Variants in GNPDA2 observed in about 807,000 individuals in gnomAD.
GNPDA2 encodes glcN6P deaminase 2.
GNPDA2 carries 24 observed loss-of-function variants against 27.0 expected under a neutral mutation model. The ratio of observed to expected loss-of-function variants is 0.89; its 90% confidence interval spans 0.64 to 1.25. GNPDA2 has a LOEUF of 1.25. Among genes scored for constraint, GNPDA2 ranks in the 50% most tolerant of loss-of-function variants. The pLI is 0.00. For missense variants in GNPDA2, 286 were observed against 335.1 expected, an observed-to-expected ratio of 0.85 and a Z score of 1.14; for synonymous variants, 94 against 108.4, an observed-to-expected ratio of 0.87 and a Z score of 0.83.
chr4:44,714,386 A>G, intron 4 of GNPDA2: 1 of 985,384 alleles, frequency 1.0e-6, no homozygotes, highest in Non-Finnish European at 1.2e-6. Context: ...CCATCAGAGG[A>G]GGAATTAGAA....
intron 6 of GNPDA2, chr4:44,707,353 T>G (rs1716669572): frequency 9.1e-6 from 2 of 219,216 alleles, no homozygotes; most frequent in Admixed American, 5.7e-5. Context: ...TATCCACTGA[T>G]TAGGTTCTAA....
Position 44,707,928 on chromosome 4 carries a change from T to G in GNPDA2, c.595-2A>C, listed in dbSNP as rs1577582695. The G allele has an allele frequency of 6.4e-7, 1 of 1,557,412 alleles. No individual in the cohort carries two copies. Among genetic ancestry groups the G allele is most frequent in the African/African-American group, 1.4e-5 (1 of 73,318 alleles). On this transcript the variant is annotated splice_acceptor_variant, in intron 5 of 6. Transcript: ENST00000295448. LOFTEE classifies it high-confidence loss of function. ...TGCCCCTGTTATAAGGATCATTACC[T>G]GAAAAATTATGAACATCAATTGTTA...
At position 44,726,549 on chromosome 4, in the gene GNPDA2, T is replaced by G. The variant is rs1313084104; in HGVS notation, c.-111A>C. The G allele has an allele frequency of 1.3e-5, 2 of 152,128 alleles. No homozygotes were observed. Among genetic ancestry groups the G allele is most frequent in the African/African-American group, 4.8e-5 (2 of 41,406 alleles). The allele number at this position is 152,128 out of a possible 1,614,324, so 9.4% of individuals were successfully genotyped here. On this transcript the variant is annotated 5_prime_UTR_variant, in exon 1 of 7. Coordinates refer to ENST00000295448, the MANE Select transcript of GNPDA2 (RefSeq NM_138335.3). Reference sequence around the variant, plus strand: ...CCAACCACCCGAGAGCGACCCCAGCTGACCAGTGGAGCGCGAATCCCACGG... The same window carrying G: ...CCAACCACCCGAGAGCGACCCCAGCGGACCAGTGGAGCGCGAATCCCACGG...
intron 4 of GNPDA2, among the ~76,000 whole-genome samples, chr4:44,712,797 G>A (rs1717056134): frequency 1.3e-5 from 2 of 152,132 alleles, no homozygotes; most frequent in South Asian, 4.1e-4. Context: ...GCTGGGTCAA[G>A]GTATTTGCTT....
At position 44,703,031 on chromosome 4, in the gene GNPDA2, T is replaced by G. The variant is rs751874326; in HGVS notation, c.*50A>C. 3.7e-6 allele frequency: 6 copies of G among 1,602,006 alleles called. No individual in the cohort carries two copies. On this transcript the variant is annotated 3_prime_UTR_variant, in exon 7 of 7. Transcript: ENST00000295448. ...GCATAGCTGAAAATTCATCTACTAC[T>G]TAGTAAAAAGTGCTCTGTTCATTCA... is the stretch of plus-strand genomic sequence containing the variant.
chr4:44,723,132 A>C (rs966184546), intron 1 of GNPDA2, among the ~76,000 whole-genome samples: 1 of 152,226 alleles, frequency 6.6e-6, no homozygotes, highest in Non-Finnish European at 1.5e-5. Context: ...AGTCACTTAA[A>C]AGCTACATAA....
chr4:44,710,320 G>C (rs899779007), intron 5 of GNPDA2, among the ~76,000 whole-genome samples: 1 of 152,106 alleles, frequency 6.6e-6, no homozygotes, highest in Non-Finnish European at 1.5e-5. Flanking sequence ...GAAAGGAACA[G>C]AGTTCTGGGT....
At position 44,707,897 on chromosome 4, in the gene GNPDA2, CT is replaced by C; in HGVS notation, c.623del (p.Lys208ArgfsTer9). ...CTATTGCTTTGTACAGGGCAAATGC[CT>C]TGTGTGCCCCTGTTATAAGGATCAT... ...EVMILITGAH[K>X]AFALYKAIEE... is the part of the protein sequence containing the mutation. On this transcript the variant is annotated frameshift_variant, in exon 6 of 7. Transcript: ENST00000295448. LOFTEE classifies it high-confidence loss of function. 1 of 1,605,958 alleles carries C rather than the reference CT, an allele frequency of 6.2e-7. No individual in the cohort carries two copies. Among genetic ancestry groups the C allele is most frequent in the South Asian group, 1.1e-5 (1 of 89,354 alleles).
At chr4:44,712,039 G>GC (rs1314722193) in intron 4 of GNPDA2, among the ~76,000 whole-genome samples, 2 of 151,854 alleles carry the variant, frequency 1.3e-5, no homozygotes, top group African/African-American at 4.8e-5. Flanking sequence ...GAGACCTAGT[G>GC]CCAACTCTAA....
intron 6 of GNPDA2, chr4:44,706,836 T>A (rs1190704863): frequency 6.6e-6 from 1 of 151,928 alleles, no homozygotes; most frequent in Non-Finnish European, 1.5e-5. Context: ...CCAATAGGCA[T>A]TAAAATAAAT....
intron 2 of GNPDA2, among the ~76,000 whole-genome samples, chr4:44,718,929 A>T (rs1717496565): frequency 6.6e-6 from 1 of 151,964 alleles, no homozygotes; most frequent in Non-Finnish European, 1.5e-5. Context: ...CCTGTTTCTC[A>T]TCTTTTGATA....
rs2109686590 is a variant in GNPDA2, at chr4:44,703,003, A to T, written c.*78T>A. 6.3e-7 allele frequency: 1 copy of T among 1,584,984 alleles called. No individual in the cohort carries two copies. The highest frequency in any genetic ancestry group is 8.5e-7 in the Non-Finnish European group (1 of 1,171,768). On this transcript the variant is annotated 3_prime_UTR_variant, in exon 7 of 7. Coordinates refer to ENST00000295448, the MANE Select transcript of GNPDA2 (RefSeq NM_138335.3). The stretch of plus-strand genomic sequence containing the variant: ...TTCAAAATTCCCCATGTTTTGTCAT[A>T]TTGCATAGCTGAAAATTCATCTACT...
intron 1 of GNPDA2, among the ~76,000 whole-genome samples, chr4:44,724,094 G>C (rs949971626): frequency 1.3e-5 from 2 of 152,100 alleles, no homozygotes; most frequent in Non-Finnish European, 2.9e-5. Context: ...TGGGGAGATG[G>C]GTTTTTTCCT....
At chr4:44,715,497 C>T (rs978653539) in intron 4 of GNPDA2, among the ~76,000 whole-genome samples, 2 of 151,988 alleles carry the variant, frequency 1.3e-5, no homozygotes, top group African/African-American at 4.8e-5. Context: ...TTGATATAAG[C>T]AGTTGAAGTA....
At chr4:44,719,178 A>G (rs1355232051) in intron 2 of GNPDA2, among the ~76,000 whole-genome samples, 1 of 151,434 alleles carries the variant, frequency 6.6e-6, no homozygotes, top group South Asian at 2.1e-4. Context: ...TTTTTTTTTC[A>G]TTTTAACTTC....
At position 44,722,066 on chromosome 4, in the gene GNPDA2, G is replaced by A. The variant is rs764201855; in HGVS notation, c.124+18C>T. ...TTAGATAATATCAGAATATAAAATG[G>A]AAAAAGTAGTTAATTACCTGTTGGT... On this transcript the variant is annotated intron_variant, in intron 2 of 6. Transcript: ENST00000295448. 6.4e-7 allele frequency: 1 copy of A among 1,569,904 alleles called. No homozygotes were observed. Among genetic ancestry groups the A allele is most frequent in the African/African-American group, 1.4e-5 (1 of 73,862 alleles).
intron 1 of GNPDA2, among the ~76,000 whole-genome samples, chr4:44,725,228 A>C (rs151078245): frequency 6.6e-6 from 1 of 152,288 alleles, no homozygotes; most frequent in African/African-American, 2.4e-5. Flanking sequence ...CTGAGGTTGA[A>C]AGCATTATTC....
At chr4:44,707,459 T>G (rs1045146280) in intron 6 of GNPDA2, 2 of 389,606 alleles carry the variant, frequency 5.1e-6, no homozygotes, top group Non-Finnish European at 9.1e-6. Context: ...TTCTTTTGGG[T>G]TATTTGGTCT....
In GNPDA2 at chr4:44,702,243, C is replaced by T. The variant is rs911025355; in HGVS notation, c.*838G>A. 1.5e-6 allele frequency: 1 copy of T among 646,776 alleles called. No individual in the cohort carries two copies. Among genetic ancestry groups the T allele is most frequent in the Non-Finnish European group, 1.9e-6 (1 of 520,470 alleles). 40.1% of individuals were successfully genotyped at this position (646,776 alleles called of 1,614,324 possible). A position where few individuals can be genotyped will look rare whatever the true frequency, so the allele number is the denominator to read the frequency against. ...ATGGCAATGTAGTTTACAGTAATTC[C>T]TTTTATATATACTTCGTATTATTCT... On this transcript the variant is annotated 3_prime_UTR_variant, in exon 7 of 7. Coordinates refer to ENST00000295448, the MANE Select transcript of GNPDA2 (RefSeq NM_138335.3).
Sources: gnomAD v4.1 joint callset for allele counts (sites outside exome capture counted in the v4.1 genomes callset) on GRCh38, gnomAD v4.1.1 for gene constraint, MANE v1.5 for transcripts, NCBI Gene and HGNC (gene_info 2026-07-23, HGNC 2026-07-21) for gene names.